Variants in CADM2 observed in about 807,000 individuals in gnomAD.
The protein encoded by CADM2 is immunoglobulin superfamily member 4D.
A neutral mutation model predicts 49.8 loss-of-function variants in CADM2; 12 were observed. That is an observed-to-expected ratio of 0.24 (90% CI 0.15 to 0.39). The LOEUF is 0.39. CADM2 is among the 10% of genes least tolerant of loss of function. CADM2 has a pLI of 1.00. For synonymous variants in CADM2, 214 were observed against 175.4 expected (o/e 1.22, Z -1.74); for missense variants, 378 against 492.3 (o/e 0.77, Z 2.20).
At chr3:85,135,643 G>A (rs1245988117) in intron 1 of CADM2, among the ~76,000 whole-genome samples, 1 of 152,036 alleles carries the variant, frequency 6.6e-6, no homozygotes, top group Non-Finnish European at 1.5e-5. Flanking sequence ...GAGTTTTTCA[G>A]CATTCTAATA....
At chr3:85,676,098 A>G (rs2065879544) in intron 1 of CADM2, among the ~76,000 whole-genome samples, 1 of 152,162 alleles carries the variant, frequency 6.6e-6, no homozygotes, top group African/African-American at 2.4e-5. Flanking sequence ...CAGATACCTC[A>G]CTTTGACATC....
At chr3:85,660,168 CA>C (rs1174869816) in intron 1 of CADM2, among the ~76,000 whole-genome samples, 1 of 151,628 alleles carries the variant, frequency 6.6e-6, no homozygotes, top group Non-Finnish European at 1.5e-5. Flanking sequence ...TCTGGGCCTG[CA>C]AAAAGGGTAA....
Position 85,662,777 on chromosome 3 carries a change from T to A in CADM2, c.62-63745T>A, listed in dbSNP as rs572676211. ...CTTCCTCCTCTATAGTTCCATTAGA[T>A]ATTAAATATAGCACTTACCATAGTA... On this transcript the variant is annotated intron_variant, in intron 1 of 9. Transcript: ENST00000383699. 9.9e-4 allele frequency among the ~76,000 whole-genome samples: 150 copies of A among 152,086 alleles called. 1 individual carries two copies. Among genetic ancestry groups the A allele is most frequent in the Non-Finnish European group, 1.6e-3 (108 of 68,002 alleles).
At chr3:85,796,349 C>T (rs781111743) in intron 2 of CADM2, among the ~76,000 whole-genome samples, 1 of 152,048 alleles carries the variant, frequency 6.6e-6, no homozygotes, top group Non-Finnish European at 1.5e-5. Context: ...TGTGGTTTTT[C>T]GCCTCACCTC....
intron 1 of CADM2, among the ~76,000 whole-genome samples, chr3:85,023,006 GCATTT>G (rs1478256992): frequency 6.6e-6 from 1 of 151,878 alleles, no homozygotes; most frequent in Non-Finnish European, 1.5e-5. Flanking sequence ...TATAAAATGA[GCATTT>G]TAGTCTAAAT....
chr3:85,853,398 C>A (rs2075180620), intron 3 of CADM2, among the ~76,000 whole-genome samples: 1 of 151,956 alleles, frequency 6.6e-6, no homozygotes, highest in East Asian at 1.9e-4. Flanking sequence ...TTAAGTATTT[C>A]AGTTTTTAAG....
rs572224850 is a variant in CADM2, at chr3:85,223,052, T to C, written c.61+263384T>C. 5.9e-5 allele frequency among the ~76,000 whole-genome samples: 9 copies of C among 152,270 alleles called. No individual in the cohort carries two copies. In the South Asian group the frequency reaches 1.9e-3, roughly 32 times the overall value. ...TAGTAACTGTTAGGGGGCCAGTGTC[T>C]CCGCCTCAGCCATTTTTGTATTTCT... On this transcript the variant is annotated intron_variant, in intron 1 of 9. Coordinates refer to ENST00000383699, the MANE Select transcript of CADM2 (RefSeq NM_001167675.2).
At chr3:85,920,435 T>A (rs1718949560) in intron 6 of CADM2, among the ~76,000 whole-genome samples, 1 of 151,800 alleles carries the variant, frequency 6.6e-6, no homozygotes, top group Non-Finnish European at 1.5e-5. Flanking sequence ...CTAAGATATT[T>A]CAAAAAGCTA....
chr3:85,921,149 G>T (rs1415079325), intron 6 of CADM2, among the ~76,000 whole-genome samples: 1 of 151,772 alleles, frequency 6.6e-6, no homozygotes, highest in Non-Finnish European at 1.5e-5. Context: ...TATACATCTT[G>T]TTAATACCTA....
At chr3:85,529,736 C>T (rs545381968) in intron 1 of CADM2, among the ~76,000 whole-genome samples, 2 of 151,970 alleles carry the variant, frequency 1.3e-5, no homozygotes, top group South Asian at 2.1e-4. Flanking sequence ...GCATTTGGAA[C>T]GTATTTCCAC....
chr3:85,242,574 G>A (rs1365454293), intron 1 of CADM2, among the ~76,000 whole-genome samples: 27 of 151,256 alleles, frequency 1.8e-4, no homozygotes, highest in South Asian at 2.1e-4. Context: ...AATTCAATAG[G>A]GATTCTTGCT....
chr3:85,492,015 C>G (rs2107648361), intron 1 of CADM2, among the ~76,000 whole-genome samples: 1 of 151,796 alleles, frequency 6.6e-6, no homozygotes, highest in East Asian at 1.9e-4. Context: ...ACACTTCTAC[C>G]CTGGGAAAAG....
At chr3:85,408,090 A>G (rs62250685) in intron 1 of CADM2, among the ~76,000 whole-genome samples, 73,101 of 150,018 alleles carry the variant, frequency 0.49, 21,518 homozygotes, top group East Asian at 0.83. Flanking sequence ...ATAAGATACT[A>G]GAATTGAAGT....
intron 2 of CADM2, among the ~76,000 whole-genome samples, chr3:85,742,284 C>CACCTGAT (rs1387692022): frequency 1.6e-4 from 24 of 152,172 alleles, no homozygotes; most frequent in African/African-American, 4.8e-4. Context: ...TGGGTGAATT[C>CACCTGAT]ACCTGATGAA....
chr3:84,987,172 A>G (rs1000243067), intron 1 of CADM2, among the ~76,000 whole-genome samples: 5 of 151,300 alleles, frequency 3.3e-5, no homozygotes, highest in African/African-American at 1.2e-4. Context: ...GAGTATGTGT[A>G]TGTGTAGCCT....
chr3:85,187,652 G>A (rs59821368), intron 1 of CADM2, among the ~76,000 whole-genome samples: 1 of 151,998 alleles, frequency 6.6e-6, no homozygotes, highest in Non-Finnish European at 1.5e-5. Context: ...TCTTGCATGA[G>A]TAATATCAAA....
rs150634443 is a variant in CADM2, at chr3:85,335,636, A to G, written c.61+375968A>G. Among the ~76,000 whole-genome samples, 283 of 151,418 alleles carry G rather than the reference A, an allele frequency of 1.9e-3. 1 individual carries two copies. Among genetic ancestry groups the G allele is most frequent in the African/African-American group, 6.3e-3 (260 of 41,464 alleles). ...ACAATATGTTATTGGTTTTTCTCTA[A>G]CTCAGTGTTTGAAAATGATATAACA... On this transcript the variant is annotated intron_variant, in intron 1 of 9. Transcript: ENST00000383699.
At chr3:85,611,024 T>C (rs1397455449) in intron 1 of CADM2, among the ~76,000 whole-genome samples, 7 of 151,912 alleles carry the variant, frequency 4.6e-5, no homozygotes, top group African/African-American at 1.7e-4. Context: ...CAGACACTAC[T>C]GATCATGTAT....
chr3:85,873,336 A>G (rs2075999977), intron 3 of CADM2, among the ~76,000 whole-genome samples: 1 of 152,206 alleles, frequency 6.6e-6, no homozygotes, highest in South Asian at 2.1e-4. Context: ...AAATCATTTA[A>G]AGAAAGAAAA....
Sources: gnomAD v4.1 joint callset for allele counts (sites outside exome capture counted in the v4.1 genomes callset) on GRCh38, gnomAD v4.1.1 for gene constraint, MANE v1.5 for transcripts, NCBI Gene and HGNC (gene_info 2026-07-23, HGNC 2026-07-21) for gene names.